The following NOL8 variants were observed in gnomAD, a reference collection of about 807,000 sequenced individuals.
NOL8 encodes the protein nucleolar protein 8.
In NOL8, 93 loss-of-function variants were observed where a neutral mutation model predicts 116.1. That is an observed-to-expected ratio of 0.80 (90% CI 0.68 to 0.95). The LOEUF (loss-of-function observed/expected upper bound fraction) is 0.95, where lower values mean the gene tolerates loss of function less well. Among genes scored for constraint, NOL8 ranks in the 40% least tolerant of loss-of-function variants. NOL8 has a pLI of 0.00. For synonymous variants in NOL8, 419 were observed against 469.0 expected (o/e 0.89, Z 1.38); for missense variants, 1,291 against 1,382.8 (o/e 0.93, Z 1.05).
chr9:92,325,113 T>C (rs1249984445), intron 1 of NOL8, 193 bp downstream of exon 1: 2 of 152,172 alleles, frequency 1.3e-5, no homozygotes, highest in African/African-American at 4.8e-5. Context: ...TGACAGACTC[T>C]TTCCAGAAGA....
intron 11 of NOL8, among the ~76,000 whole-genome samples, chr9:92,306,096 C>G (rs1460982675): frequency 6.6e-6 from 1 of 152,130 alleles, no homozygotes; most frequent in Non-Finnish European, 1.5e-5. Flanking sequence ...CAAGTTCAAG[C>G]GATTCTCCTG....
intron 15 of NOL8, 33 bp downstream of exon 15, chr9:92,298,851 A>T (rs41276843): frequency 0.05 from 63,010 of 1,267,462 alleles, 1,906 homozygotes; most frequent in South Asian, 0.082. Context: ...TACCTGTTCT[A>T]TGTATGTAAT....
chr9:92,309,569 G>A (rs1192873639), intron 10 of NOL8, among the ~76,000 whole-genome samples: 1 of 152,124 alleles, frequency 6.6e-6, no homozygotes, highest in Non-Finnish European at 1.5e-5. Flanking sequence ...TCAAGCCAGC[G>A]ACGTAAGAGG....
chr9:92,322,389 G>A, intron 3 of NOL8, among the ~76,000 whole-genome samples: 1 of 152,182 alleles, frequency 6.6e-6, no homozygotes, highest in South Asian at 2.1e-4. Flanking sequence ...TTGAGACAGA[G>A]TGTCCTTCTG....
Position 92,315,541 on chromosome 9 carries a change from AAG to A in NOL8, c.1082_1083del (p.Ser361LeufsTer3), listed in dbSNP as rs1839310383. The A allele has an allele frequency of 1.2e-6, 2 of 1,612,018 alleles. No homozygotes were observed. The highest frequency in any genetic ancestry group is 2.2e-5 in the East Asian group (1 of 44,846). ...LIGLGIKNRV[S>X]CHDSDDDIMR... ...ATAATATCATCATCACTATCATGGC[AAG>A]AGACACGATTTTTGATACCTAAACC... On this transcript the variant is annotated frameshift_variant, in exon 7 of 17. Coordinates refer to ENST00000442668, the MANE Select transcript of NOL8 (RefSeq NM_017948.6). LOFTEE classifies it high-confidence loss of function.
At chr9:92,306,729 A>T (rs890109111) in intron 11 of NOL8, among the ~76,000 whole-genome samples, 157 bp downstream of exon 11, 1 of 152,222 alleles carries the variant, frequency 6.6e-6, no homozygotes, top group African/African-American at 2.4e-5. Context: ...CCTTGAAGTG[A>T]ATCACTGGGT....
intron 5 of NOL8, 39 bp downstream of exon 5, chr9:92,319,182 A>C (rs1180722984): frequency 6.7e-7 from 1 of 1,488,008 alleles, no homozygotes; most frequent in Non-Finnish European, 8.9e-7. Flanking sequence ...ATCAGTTTCC[A>C]AGACCATGTA....
chr9:92,319,000 T>C, intron 5 of NOL8: 1 of 527,012 alleles, frequency 1.9e-6, no homozygotes, highest in South Asian at 3.6e-5. Flanking sequence ...AAAGTCCACC[T>C]CTGCTTGAGT....
chr9:92,321,818 A>T (rs989661830), intron 3 of NOL8, 72 bp from the exon 4 acceptor site: 17 of 778,230 alleles, frequency 2.2e-5, no homozygotes, highest in African/African-American at 2.2e-4. Flanking sequence ...TTTTCTAATT[A>T]TTTAGTATCA....
chr9:92,315,463 TC>T lies in NOL8; in HGVS notation c.1161del (p.Met387IlefsTer48), dbSNP rs1839297134. 1.2e-6 allele frequency: 2 copies of T among 1,600,346 alleles called. No individual in the cohort carries two copies. Among genetic ancestry groups the T allele is most frequent in the African/African-American group, 1.3e-5 (1 of 74,842 alleles). On this transcript the variant is annotated frameshift_variant, in exon 7 of 17. Coordinates refer to ENST00000442668, the MANE Select transcript of NOL8 (RefSeq NM_017948.6). LOFTEE classifies it high-confidence loss of function. ...DSGDTDEIIAMKKNVAKVKNS... is the reference protein window; with the variant it reads ...DSGDTDEIIAXKKNVAKVKNS... ...TTTTTGACCTTAGCAACATTTTTTTTCATCGCAATAATTTCATCTGTATCTC... is the reference window on the plus strand; with the variant it reads ...TTTTTGACCTTAGCAACATTTTTTTTATCGCAATAATTTCATCTGTATCTC...
intron 13 of NOL8, among the ~76,000 whole-genome samples, chr9:92,301,280 TTTAC>T (rs1837723379): frequency 6.6e-6 from 1 of 152,238 alleles, no homozygotes; most frequent in Non-Finnish European, 1.5e-5. Flanking sequence ...TTCATGACGT[TTTAC>T]TTAACAGAAA....
Position 92,305,940 on chromosome 9 carries a change from G to C in NOL8, c.2826-110C>G, listed in dbSNP as rs1197874458. On this transcript the variant is annotated intron_variant, in intron 11 of 16. Transcript: ENST00000442668. ...TAGGAAGATTCTAATTTTGCAGCAA[G>C]AAGAAGCCATATAACATCAGATAAG... The C allele has an allele frequency of 8.6e-6, 6 of 701,292 alleles. No homozygotes were observed. In the East Asian group the frequency reaches 1.3e-4, roughly 16 times the overall value. The allele number at this position is 701,292 out of a possible 1,614,324, so 43.4% of individuals were successfully genotyped here. A position where few individuals can be genotyped will look rare whatever the true frequency, so the allele number is the denominator to read the frequency against.
Position 92,301,747 on chromosome 9 carries a change from A to G in NOL8, c.2979T>C (p.Ile993=), listed in dbSNP as rs1158415132. 3 of 1,602,384 alleles carry G rather than the reference A, an allele frequency of 1.9e-6. No homozygotes were observed. The highest frequency in any genetic ancestry group is 1.7e-4 in the Middle Eastern group (1 of 6,024). The change falls in exon 13 of 17, where the codon ATT becomes ATC. Residue 993 remains isoleucine, a synonymous_variant. Transcript: ENST00000442668. ...GGAATATTTCTTTCAGATCCATAGC[A>G]ATATTATAATACATTTCTTTAGACA... ...PEVSKEMYYN[I]AMDLKEIFQT... is the part of the protein sequence containing the mutation.
At chr9:92,300,348 T>C (rs1837630440) in intron 13 of NOL8, 1 of 995,878 alleles carries the variant, frequency 1.0e-6, no homozygotes, top group East Asian at 1.1e-4. Flanking sequence ...TGTGCTTGCA[T>C]GAGAAGCCTA....
intron 16 of NOL8, 142 bp downstream of exon 16, chr9:92,298,115 G>A (rs1837398993): frequency 2.8e-6 from 2 of 707,186 alleles, no homozygotes; most frequent in Admixed American, 3.0e-5. Flanking sequence ...AATAGGCTTG[G>A]CTGGATTCTG....
intron 3 of NOL8, among the ~76,000 whole-genome samples, chr9:92,322,157 A>G (rs1839980733): frequency 6.6e-6 from 1 of 152,212 alleles, no homozygotes; most frequent in African/African-American, 2.4e-5. Flanking sequence ...GAATCAGAGG[A>G]CACTCTGGAA....
intron 6 of NOL8, among the ~76,000 whole-genome samples, chr9:92,317,108 G>A (rs1031713643): frequency 1.3e-5 from 2 of 151,994 alleles, no homozygotes; most frequent in Non-Finnish European, 2.9e-5. Context: ...ATGTGCCACC[G>A]GGCCCAGCCT....
At position 92,305,845 on chromosome 9, in the gene NOL8, G is replaced by GA; in HGVS notation, c.2826-16dup. ...GTATGATGTCCCTATGTAAAAAAAG[G>GA]AAGGGAGGTTGGAAGAGATAAAAAC... is the stretch of plus-strand genomic sequence containing the variant. On this transcript the variant is annotated splice_polypyrimidine_tract_variant and intron_variant, in intron 11 of 16. Transcript: ENST00000442668. 1 of 1,586,704 alleles carries GA rather than the reference G, an allele frequency of 6.3e-7. No homozygotes were observed. The highest frequency in any genetic ancestry group is 1.7e-5 in the Admixed American group (1 of 59,782).
intron 4 of NOL8, chr9:92,320,119 C>T (rs1588003887): frequency 2.2e-6 from 1 of 456,072 alleles, no homozygotes; most frequent in Middle Eastern, 3.3e-4. Context: ...TTTGTTAGGT[C>T]TTGATTATCC....
Sources: allele counts gnomAD v4.1 joint callset (sites outside exome capture counted in the v4.1 genomes callset), GRCh38; gene constraint gnomAD v4.1.1; transcripts MANE v1.5; gene names NCBI Gene and HGNC (gene_info 2026-07-23, HGNC 2026-07-21).